The following TNNI3K variants were observed in gnomAD, a reference collection of about 807,000 sequenced individuals.
TNNI3K encodes the protein serine/threonine-protein kinase TNNI3K.
A neutral mutation model predicts 114.5 loss-of-function variants in TNNI3K; 140 were observed. The observed-to-expected ratio is 1.22, with a 90% CI of 1.07 to 1.41. The LOEUF is 1.41. Among genes scored for constraint, TNNI3K ranks in the 40% most tolerant of loss-of-function variants. The probability of loss-of-function intolerance (pLI) is 0.00; values close to 1 mark genes in which losing one functional copy is unlikely to be tolerated. For missense variants in TNNI3K, 1,125 were observed against 1,007.6 expected (o/e 1.12, Z -1.58); for synonymous variants, 347 against 347.5 (o/e 1.00, Z 0.02).
chr1:74,267,616 T>A (rs899792852), intron 4 of TNNI3K, among the ~76,000 whole-genome samples: 1 of 151,980 alleles, frequency 6.6e-6, no homozygotes, highest in Non-Finnish European at 1.5e-5. Flanking sequence ...TTCATGGAAG[T>A]TGGCTCATAG....
intron 23 of TNNI3K, among the ~76,000 whole-genome samples, chr1:74,539,932 A>G (rs1363005882): frequency 6.6e-6 from 1 of 152,204 alleles, no homozygotes; most frequent in East Asian, 1.9e-4. Flanking sequence ...CACAAACTGG[A>G]AATTATTTAT....
chr1:74,455,779 A>G (rs1446767536), intron 20 of TNNI3K, among the ~76,000 whole-genome samples: 1 of 152,180 alleles, frequency 6.6e-6, no homozygotes, highest in African/African-American at 2.4e-5. Flanking sequence ...CTGCCTCCTC[A>G]TTCTGTTGGG....
At chr1:74,363,915 A>G (rs1034447199) in intron 11 of TNNI3K, among the ~76,000 whole-genome samples, 4 of 2,850 alleles carry the variant, frequency 1.4e-3, no homozygotes, top group East Asian at 0.022. Context: ...GAAAAAATAA[A>G]TAAAAAATAA....
At chr1:74,467,982 T>C (rs1229428665) in intron 21 of TNNI3K, among the ~76,000 whole-genome samples, 1 of 152,126 alleles carries the variant, frequency 6.6e-6, no homozygotes, top group East Asian at 1.9e-4. Context: ...AGTAATCCAG[T>C]TGATTACAAC....
intron 17 of TNNI3K, among the ~76,000 whole-genome samples, chr1:74,426,595 A>G (rs1474612615): frequency 6.6e-6 from 1 of 151,960 alleles, no homozygotes; most frequent in Non-Finnish European, 1.5e-5. Context: ...CGTCTTTCGT[A>G]TAGTTCTTCC....
At chr1:74,256,633 A>T (rs1655331219) in intron 4 of TNNI3K, among the ~76,000 whole-genome samples, 1 of 152,016 alleles carries the variant, frequency 6.6e-6, no homozygotes, top group Admixed American at 6.5e-5. Context: ...TTTTAAACTT[A>T]TGACTGTAGT....
chr1:74,304,656 G>A (rs902814597), intron 5 of TNNI3K, among the ~76,000 whole-genome samples: 2 of 151,930 alleles, frequency 1.3e-5, no homozygotes, highest in East Asian at 3.9e-4. Flanking sequence ...TGTTTCCCGG[G>A]CTTGTCTCAA....
chr1:74,315,949 T>A (rs1473178448), intron 5 of TNNI3K, among the ~76,000 whole-genome samples: 1 of 152,150 alleles, frequency 6.6e-6, no homozygotes, highest in Non-Finnish European at 1.5e-5. Context: ...TTGTAGAAAT[T>A]GAAAGAAGTA....
intron 2 of TNNI3K, chr1:74,240,861 C>T (rs1266296079): frequency 6.6e-6 from 1 of 151,472 alleles, no homozygotes; most frequent in East Asian, 1.9e-4. Flanking sequence ...ATACATGTGC[C>T]ATGTTGGTGT....
intron 23 of TNNI3K, among the ~76,000 whole-genome samples, chr1:74,512,894 G>A (rs1368566360): frequency 6.6e-6 from 1 of 152,198 alleles, no homozygotes; most frequent in Non-Finnish European, 1.5e-5. Context: ...TTATGATGGG[G>A]TCACTATGTG....
At chr1:74,361,766 G>A (rs1661981067) in intron 11 of TNNI3K, among the ~76,000 whole-genome samples, 1 of 152,092 alleles carries the variant, frequency 6.6e-6, no homozygotes, top group African/African-American at 2.4e-5. Context: ...CTGGGAAGGT[G>A]TTATTGGAGC....
chr1:74,494,950 T>A (rs1189053353), intron 23 of TNNI3K, among the ~76,000 whole-genome samples: 1 of 152,134 alleles, frequency 6.6e-6, no homozygotes, highest in Non-Finnish European at 1.5e-5. Context: ...ACAGCAGCAG[T>A]CCCAGTTAGG....
intron 19 of TNNI3K, among the ~76,000 whole-genome samples, chr1:74,437,762 C>T (rs1309243963): frequency 1.3e-5 from 2 of 151,840 alleles, no homozygotes; most frequent in Admixed American, 1.3e-4. Flanking sequence ...ATTAGTGGTC[C>T]TCAAGCCTAG....
chr1:74,350,043 A>G (rs376770169), intron 9 of TNNI3K, among the ~76,000 whole-genome samples: 1 of 151,974 alleles, frequency 6.6e-6, no homozygotes, highest in East Asian at 1.9e-4. Context: ...TTGCTTCTCT[A>G]GTTCTTTTAA....
intron 5 of TNNI3K, among the ~76,000 whole-genome samples, chr1:74,328,705 T>A (rs1184493560): frequency 6.6e-6 from 1 of 152,110 alleles, no homozygotes; most frequent in Non-Finnish European, 1.5e-5. Context: ...ACCTTCTGAA[T>A]AACTGGAGAA....
At chr1:74,513,171 A>C (rs1263437523) in intron 23 of TNNI3K, among the ~76,000 whole-genome samples, 3 of 152,286 alleles carry the variant, frequency 2.0e-5, no homozygotes, top group South Asian at 4.1e-4. Context: ...GCCTAAGATG[A>C]GGAAATGGTT....
At chr1:74,486,909 C>T (rs1292573130) in intron 21 of TNNI3K, among the ~76,000 whole-genome samples, 4 of 151,976 alleles carry the variant, frequency 2.6e-5, no homozygotes, top group African/African-American at 9.7e-5. Flanking sequence ...GTGAAATGAC[C>T]ACTGAGATGT....
intron 17 of TNNI3K, among the ~76,000 whole-genome samples, chr1:74,416,855 A>G (rs1165564999): frequency 2.6e-5 from 4 of 152,018 alleles, no homozygotes; most frequent in African/African-American, 9.7e-5. Flanking sequence ...CTTCCAAAAT[A>G]TATCTTTGTG....
chr1:74,477,830 C>A (rs966351918), intron 21 of TNNI3K, among the ~76,000 whole-genome samples: 1 of 152,098 alleles, frequency 6.6e-6, no homozygotes, highest in Non-Finnish European at 1.5e-5. Context: ...GGCATTGTTT[C>A]TATTTTTAAA....
Sources: gnomAD v4.1 joint callset for allele counts (sites outside exome capture counted in the v4.1 genomes callset) on GRCh38, gnomAD v4.1.1 for gene constraint, MANE v1.5 for transcripts, NCBI Gene and HGNC (gene_info 2026-07-23, HGNC 2026-07-21) for gene names.